The following OCA2 variants were observed in gnomAD, a reference collection of about 807,000 sequenced individuals.
The protein encoded by OCA2 is P protein.
OCA2 carries 77 observed loss-of-function variants against 100.2 expected under a neutral mutation model. The observed-to-expected ratio is 0.77, with a 90% CI of 0.64 to 0.93. The LOEUF is 0.93. OCA2 is among the 40% of genes least tolerant of loss of function. The pLI is 0.00. For synonymous variants in OCA2, 432 were observed against 439.2 expected, an observed-to-expected ratio of 0.98 and a Z score of 0.21; for missense variants, 1,062 against 1,089.1, an observed-to-expected ratio of 0.98 and a Z score of 0.35.
In OCA2 at chr15:28,081,716, C is replaced by G; in HGVS notation, c.159G>C (p.Arg53Ser). The part of the protein sequence containing the change: ...GGADPSHSCP[R>S]GAAGQSSWAP... ...CCCAAGAGCTCTGCCCGGCAGCCCC[C>G]CTGGGGCAGGAGTGCGAGGGGTCAG... The change falls in exon 2 of 24, where the codon AGG becomes AGC. Residue 53 changes from arginine to serine, a missense_variant. Physicochemically the swap from Arg to Ser is moderately radical, Grantham distance 110 (BLOSUM62 -1). Transcript: ENST00000354638. The G allele has an allele frequency of 6.2e-7, 1 of 1,613,782 alleles. No homozygotes were observed. Among genetic ancestry groups the G allele is most frequent in the Non-Finnish European group, 8.5e-7 (1 of 1,179,950 alleles).
chr15:28,070,469 C>T (rs1324469511), intron 2 of OCA2, among the ~76,000 whole-genome samples: 2 of 123,468 alleles, frequency 1.6e-5, no homozygotes, highest in African/African-American at 4.5e-5. Context: ...CCCGGCCAGC[C>T]GCCCAGTCCG....
chr15:27,787,838 T>A (rs1342013085), intron 23 of OCA2, among the ~76,000 whole-genome samples: 1 of 152,012 alleles, frequency 6.6e-6, no homozygotes, highest in East Asian at 1.9e-4. Context: ...TTCTCAGATT[T>A]TTCTTCTTTT....
At chr15:28,088,448 C>T (rs1020639962) in intron 1 of OCA2, among the ~76,000 whole-genome samples, 1 of 152,086 alleles carries the variant, frequency 6.6e-6, no homozygotes, top group Non-Finnish European at 1.5e-5. Context: ...ACTTTAATAC[C>T]TAGAACAATG....
rs567861575 is a variant in OCA2 at position 27,949,390 on chromosome 15, T to C, written c.1951+2394A>G. 7.9e-5 allele frequency among the ~76,000 whole-genome samples: 12 copies of C among 152,252 alleles called. 1 individual carries two copies. Among genetic ancestry groups the C allele is most frequent in the Admixed American group, 7.8e-4 (12 of 15,294 alleles). On this transcript the variant is annotated intron_variant, in intron 18 of 23. Transcript: ENST00000354638. Reference sequence around the variant, plus strand: ...TGAAAACAGAACTTCTGGCCGGGCATAGTAGCTCGTGCCTGTAATCCCCGC... The same window carrying C: ...TGAAAACAGAACTTCTGGCCGGGCACAGTAGCTCGTGCCTGTAATCCCCGC...
intron 19 of OCA2, 147 bp downstream of exon 19, chr15:27,925,980 A>G: frequency 1.1e-6 from 1 of 939,258 alleles, no homozygotes; most frequent in Non-Finnish European, 1.6e-6. Flanking sequence ...TGGTTAACTT[A>G]AAATAGTCCA....
chr15:28,008,237 T>C (rs968474044), intron 9 of OCA2, among the ~76,000 whole-genome samples: 4 of 152,222 alleles, frequency 2.6e-5, no homozygotes, highest in Non-Finnish European at 2.9e-5. Context: ...TAACTTCTCT[T>C]AGAAGCAAAA....
chr15:27,877,063 T>C (rs929489008), intron 19 of OCA2, among the ~76,000 whole-genome samples: 1 of 151,960 alleles, frequency 6.6e-6, no homozygotes, highest in African/African-American at 2.4e-5. Flanking sequence ...CACTCAAAAA[T>C]TTTTTATATA....
chr15:27,962,816 G>A (rs2040448984), intron 15 of OCA2, among the ~76,000 whole-genome samples: 1 of 152,080 alleles, frequency 6.6e-6, no homozygotes, highest in South Asian at 2.1e-4. Flanking sequence ...GCATCACTAA[G>A]CACATTAAAT....
intron 23 of OCA2, among the ~76,000 whole-genome samples, chr15:27,780,986 TCTAAG>T (rs372835925): frequency 2.0e-5 from 3 of 152,242 alleles, no homozygotes; most frequent in Admixed American, 6.5e-5. Flanking sequence ...TCTGTTTCAT[TCTAAG>T]CTGAGTGTCT....
intron 18 of OCA2, among the ~76,000 whole-genome samples, chr15:27,929,446 G>T (rs1435239224): frequency 6.6e-6 from 1 of 152,056 alleles, no homozygotes; most frequent in African/African-American, 2.4e-5. Flanking sequence ...ACATGCAAAA[G>T]AACTTTTACT....
intron 21 of OCA2, among the ~76,000 whole-genome samples, chr15:27,868,563 G>A (rs1203438699): frequency 6.6e-6 from 1 of 152,138 alleles, no homozygotes; most frequent in Non-Finnish European, 1.5e-5. Context: ...CGGGGGTGGA[G>A]GGAGGGGGAT....
intron 19 of OCA2, among the ~76,000 whole-genome samples, chr15:27,891,909 G>A (rs1010471742): frequency 4.6e-5 from 7 of 151,864 alleles, no homozygotes; most frequent in African/African-American, 1.7e-4. Flanking sequence ...AAAAATCTAA[G>A]CAAGAGACTA....
intron 23 of OCA2, among the ~76,000 whole-genome samples, chr15:27,783,011 G>A (rs1165997821): frequency 6.6e-6 from 1 of 152,192 alleles, no homozygotes; most frequent in African/African-American, 2.4e-5. Context: ...TGGGTTTATA[G>A]GAAAATGTAC....
chr15:27,913,924 C>CAAGA (rs2095553718), intron 19 of OCA2, among the ~76,000 whole-genome samples: 1 of 63,876 alleles, frequency 1.6e-5, no homozygotes, highest in African/African-American at 7.1e-5. Context: ...AGCAAGCAAG[C>CAAGA]AAGCAAGAAA....
In OCA2 at chr15:28,009,816, GGAAAATCTA is replaced by G. The variant is rs150352622; in HGVS notation, c.1044+4951_1044+4959del. Among the ~76,000 whole-genome samples, 1,397 of 151,634 alleles carry G rather than the reference GGAAAATCTA, an allele frequency of 9.2e-3. 26 individuals carry two copies. Among genetic ancestry groups the G allele is most frequent in the African/African-American group, 0.028 (1,167 of 41,308 alleles). On this transcript the variant is annotated intron_variant, in intron 9 of 23. Transcript: ENST00000354638. ...GTAATTTAGTAATAGAAAGACAACA[GGAAAATCTA>G]TAATATCTAGAATTTAAACAACACA...
At chr15:27,955,123 G>C (rs143970742) in intron 17 of OCA2, 35 bp downstream of exon 17, 1 of 1,484,164 alleles carries the variant, frequency 6.7e-7, no homozygotes, top group Admixed American at 1.7e-5. Context: ...TTGGAGAAGT[G>C]AATCAGAAAT....
intron 23 of OCA2, among the ~76,000 whole-genome samples, chr15:27,787,494 T>C (rs1045277323): frequency 6.6e-6 from 1 of 152,106 alleles, no homozygotes; most frequent in Non-Finnish European, 1.5e-5. Context: ...TTTCTACACA[T>C]GTAGCCATTT....
chr15:28,018,343 T>A (rs2042467313), intron 7 of OCA2, 54 bp downstream of exon 7: 4 of 1,569,178 alleles, frequency 2.5e-6, no homozygotes, highest in Non-Finnish European at 3.5e-6. Context: ...ACACAATTTA[T>A]TATGAGATGA....
At chr15:28,028,813 G>C (rs1391582088) in intron 3 of OCA2, among the ~76,000 whole-genome samples, 1 of 152,106 alleles carries the variant, frequency 6.6e-6, no homozygotes, top group Non-Finnish European at 1.5e-5. Context: ...AGCCTCCCCA[G>C]TAGCTGGGCT....
Sources: allele counts gnomAD v4.1 joint callset (sites outside exome capture counted in the v4.1 genomes callset), GRCh38; gene constraint gnomAD v4.1.1; transcripts MANE v1.5; gene names NCBI Gene and HGNC (gene_info 2026-07-23, HGNC 2026-07-21).